Variants in ERBB4 observed in about 807,000 individuals in gnomAD.
ERBB4 encodes the protein receptor tyrosine-protein kinase erbB-4.
Under a neutral mutation model 158.0 loss-of-function variants are expected in ERBB4, and 42 were observed. The observed-to-expected ratio is 0.27, with a 90% CI of 0.21 to 0.34. The LOEUF is 0.34. Ranked by LOEUF, ERBB4 falls within the 10% of genes least tolerant of loss-of-function variation. The pLI is 1.00. For missense variants in ERBB4, 1,333 were observed against 1,624.1 expected, an observed-to-expected ratio of 0.82 and a Z score of 3.08; for synonymous variants, 583 against 558.7, an observed-to-expected ratio of 1.04 and a Z score of -0.61.
intron 1 of ERBB4, among the ~76,000 whole-genome samples, chr2:212,374,646 G>T (rs927193288): frequency 6.6e-6 from 1 of 151,786 alleles, no homozygotes; most frequent in Admixed American, 6.6e-5. Flanking sequence ...TTTGTAAAGA[G>T]GAAGAACTAG....
intron 1 of ERBB4, among the ~76,000 whole-genome samples, chr2:212,391,471 A>G (rs1374086935): frequency 1.3e-5 from 2 of 150,714 alleles, no homozygotes; most frequent in Non-Finnish European, 3.0e-5. Flanking sequence ...GTAAAACCTT[A>G]TCAGTTCCCA....
chr2:211,653,488 C>T (rs948426564), intron 16 of ERBB4, among the ~76,000 whole-genome samples: 4 of 146,946 alleles, frequency 2.7e-5, no homozygotes, highest in Admixed American at 1.4e-4. Flanking sequence ...CCCCCCCCCA[C>T]GCCCGCCCCG....
intron 12 of ERBB4, among the ~76,000 whole-genome samples, chr2:211,700,113 T>C (rs1484714663): frequency 6.6e-6 from 1 of 152,150 alleles, no homozygotes; most frequent in African/African-American, 2.4e-5. Context: ...TACTAATTTT[T>C]TTAAGGATGT....
intron 15 of ERBB4, among the ~76,000 whole-genome samples, chr2:211,662,397 C>G (rs757963618): frequency 1.3e-5 from 2 of 152,042 alleles, no homozygotes; most frequent in Non-Finnish European, 2.9e-5. Context: ...TAAATTCTTG[C>G]TTATCATTTC....
intron 4 of ERBB4, among the ~76,000 whole-genome samples, chr2:211,771,904 C>T (rs758846989): frequency 2.0e-5 from 3 of 152,152 alleles, no homozygotes; most frequent in Non-Finnish European, 4.4e-5. Context: ...GTGGTAGTAC[C>T]TGGTGTACAA....
At chr2:212,170,565 C>T (rs2103002) in intron 1 of ERBB4, among the ~76,000 whole-genome samples, 93,096 of 152,028 alleles carry the variant, frequency 0.61, 29,618 homozygotes, top group African/African-American at 0.68. Flanking sequence ...ATCACAGGCA[C>T]GTAGGCCAAG....
chr2:211,879,866 A>G (rs1363999664), intron 3 of ERBB4, among the ~76,000 whole-genome samples: 3 of 151,960 alleles, frequency 2.0e-5, no homozygotes, highest in Non-Finnish European at 4.4e-5. Context: ...GATAATTGGA[A>G]AGAGATATAT....
At chr2:212,112,015 T>G (rs967852237) in intron 2 of ERBB4, among the ~76,000 whole-genome samples, 1 of 152,180 alleles carries the variant, frequency 6.6e-6, no homozygotes, top group Non-Finnish European at 1.5e-5. Context: ...TTTAATTCTT[T>G]TTTATTTTTA....
chr2:211,419,421 A>G (rs2063465270), intron 25 of ERBB4, among the ~76,000 whole-genome samples: 1 of 152,132 alleles, frequency 6.6e-6, no homozygotes, highest in Non-Finnish European at 1.5e-5. Flanking sequence ...AGTTGAAAAT[A>G]TTCTTATGGC....
In ERBB4 at chr2:211,716,304, G is replaced by A. The variant is rs1458244378; in HGVS notation, c.884-2656C>T. Reference sequence around the variant, plus strand: ...TTGAACCCGGGAGGTGGAGGTTGTAGTGAGCCGAGATTGTGCCATTGCACT... The same window carrying A: ...TTGAACCCGGGAGGTGGAGGTTGTAATGAGCCGAGATTGTGCCATTGCACT... On this transcript the variant is annotated intron_variant, in intron 7 of 27. Transcript: ENST00000342788. 2.2e-5 allele frequency among the ~76,000 whole-genome samples: 3 copies of A among 137,558 alleles called. 1 individual carries two copies. The highest frequency in any genetic ancestry group is 4.6e-5 in the Non-Finnish European group (3 of 65,330). 90.2% of individuals were successfully genotyped at this position (137,558 alleles called of 152,430 possible).
intron 1 of ERBB4, among the ~76,000 whole-genome samples, chr2:212,527,452 A>T (rs1459120812): frequency 6.6e-6 from 1 of 152,090 alleles, no homozygotes; most frequent in African/African-American, 2.4e-5. Context: ...ACTAGAAAAA[A>T]TTACAAAAAA....
At chr2:212,067,910 G>GA (rs1285659691) in intron 2 of ERBB4, among the ~76,000 whole-genome samples, 1 of 148,904 alleles carries the variant, frequency 6.7e-6, no homozygotes, top group Non-Finnish European at 1.5e-5. Flanking sequence ...GAACAGAGAG[G>GA]AATCTACACA....
At chr2:211,913,822 A>T (rs2125061729) in intron 3 of ERBB4, among the ~76,000 whole-genome samples, 1 of 152,022 alleles carries the variant, frequency 6.6e-6, no homozygotes, top group Non-Finnish European at 1.5e-5. Context: ...GAAAATAAAC[A>T]AAATTAACAA....
At chr2:211,994,380 C>G (rs920965581) in intron 2 of ERBB4, among the ~76,000 whole-genome samples, 20 of 152,144 alleles carry the variant, frequency 1.3e-4, no homozygotes, top group African/African-American at 2.4e-5. Context: ...CTCTCCTCCC[C>G]CATTGGCCTC....
At chr2:212,392,528 C>T (rs1176847308) in intron 1 of ERBB4, among the ~76,000 whole-genome samples, 2 of 151,896 alleles carry the variant, frequency 1.3e-5, no homozygotes, top group Non-Finnish European at 2.9e-5. Flanking sequence ...ATAAATTCTG[C>T]TAGGTAACAA....
At chr2:212,472,663 CT>C (rs1446759349) in intron 1 of ERBB4, among the ~76,000 whole-genome samples, 2 of 151,746 alleles carry the variant, frequency 1.3e-5, no homozygotes, top group African/African-American at 4.8e-5. Flanking sequence ...TAGTTTGAAA[CT>C]GCTACTCTAC....
chr2:211,415,107 C>CTTTTTTTTT lies in ERBB4; in HGVS notation c.3135+5325_3135+5333dup, dbSNP rs71047175. 4.9e-3 allele frequency among the ~76,000 whole-genome samples: 356 copies of CTTTTTTTTT among 72,550 alleles called. 49 individuals carry two copies. Among genetic ancestry groups the CTTTTTTTTT allele is most frequent in the Non-Finnish European group, 6.5e-3 (263 of 40,542 alleles). 47.6% of individuals were successfully genotyped at this position (72,550 alleles called of 152,430 possible). ...CAAATCCCATTGAAACTTACATTTT[C>CTTTTTTTTT]TTTTTTTTTTTTTTTTTTTTTTTTT... is the stretch of plus-strand genomic sequence containing the variant. On this transcript the variant is annotated intron_variant, in intron 25 of 27. Transcript: ENST00000342788.
At chr2:211,823,021 T>C (rs1322216838) in intron 3 of ERBB4, among the ~76,000 whole-genome samples, 2 of 151,984 alleles carry the variant, frequency 1.3e-5, no homozygotes, top group African/African-American at 4.8e-5. Context: ...CTGTTAGCCC[T>C]TCCCCTGGGC....
chr2:211,843,689 A>C (rs12618183), intron 3 of ERBB4, among the ~76,000 whole-genome samples: 4 of 147,384 alleles, frequency 2.7e-5, no homozygotes, highest in South Asian at 2.3e-4. Flanking sequence ...TGATATGTGA[A>C]GTCTTAACTA....
Sources: allele counts gnomAD v4.1 joint callset (sites outside exome capture counted in the v4.1 genomes callset), GRCh38; gene constraint gnomAD v4.1.1; transcripts MANE v1.5; gene names NCBI Gene and HGNC (gene_info 2026-07-23, HGNC 2026-07-21).